AKT1: variants seen among roughly 807,000 people sequenced by gnomAD.
AKT1 encodes RAC-alpha serine/threonine-protein kinase.
In AKT1, 21 loss-of-function variants were observed where a neutral mutation model predicts 63.1. The observed-to-expected ratio is 0.33, with a 90% CI of 0.24 to 0.48. The LOEUF is 0.48. Among genes scored for constraint, AKT1 ranks in the 20% least tolerant of loss-of-function variants. The pLI, the probability that AKT1 is intolerant of heterozygous loss-of-function variation, is 0.99. For missense variants in AKT1, 382 were observed against 666.0 expected (o/e 0.57, Z 4.69); for synonymous variants, 257 against 253.1 (o/e 1.02, Z -0.15).
At chr14:104,774,661 A>AGCTGGGGCCT in intron 8 of AKT1, 1 of 484,816 alleles carries the variant, frequency 2.1e-6, no homozygotes, top group East Asian at 3.5e-5. Context: ...GGGCATGGGG[A>AGCTGGGGCCT]GCTGGGGCCT....
intron 13 of AKT1, chr14:104,771,199 A>C: frequency 3.3e-6 from 1 of 307,108 alleles, no homozygotes; most frequent in South Asian, 6.4e-5. Flanking sequence ...TATTTTTCTT[A>C]TTGGTCTTCT....
chr14:104,773,152 G>A (rs1892493328), intron 11 of AKT1, 60 bp from the exon 12 acceptor site: 1 of 1,610,524 alleles, frequency 6.2e-7, no homozygotes. Flanking sequence ...CACTGCCGGG[G>A]GAGGTGTGAC....
chr14:104,772,524 C>G (rs568429637), intron 12 of AKT1, 72 bp from the exon 13 acceptor site: 168 of 1,502,660 alleles, frequency 1.1e-4, no homozygotes, highest in Non-Finnish European at 1.5e-4. Context: ...GCCCCTTCCT[C>G]CTGTGATGTA....
intron 5 of AKT1, chr14:104,776,160 T>G: frequency 4.2e-6 from 1 of 235,672 alleles, no homozygotes; most frequent in South Asian, 6.7e-5. Context: ...GGGTTTTTCT[T>G]TTTTTGAGAC....
At chr14:104,771,318 G>A (rs1051648216) in intron 13 of AKT1, 1 of 251,092 alleles carries the variant, frequency 4.0e-6, no homozygotes. Flanking sequence ...TCTGGCTGCA[G>A]ACAGGACTCT....
At position 104,773,963 on chromosome 14, in the gene AKT1, G is replaced by C. The variant is rs971568277; in HGVS notation, c.651C>G (p.Phe217Leu). 1 of 1,612,446 alleles carries C rather than the reference G, an allele frequency of 6.2e-7. No homozygotes were observed. Among genetic ancestry groups the C allele is most frequent in the Non-Finnish European group, 8.5e-7 (1 of 1,179,136 alleles). Residue 217 changes from phenylalanine (F) to leucine (L), a missense_variant, in exon 9 of 15, where the codon TTC (phenylalanine) becomes TTG (leucine). By Grantham distance (22) the Phe-to-Leu change is conservative. Transcript: ENST00000649815. ...HPFLTALKYS[F>L]QTHDRLCFVM... Reference sequence around the variant, plus strand: ...CAAAGCAGAGGCGGTCGTGGGTCTGGAAAGAGTACTTCAGGGCCTGCAAGG... The same window carrying C: ...CAAAGCAGAGGCGGTCGTGGGTCTGCAAAGAGTACTTCAGGGCCTGCAAGG...
At chr14:104,787,603 C>T (rs61759781) in intron 3 of AKT1, among the ~76,000 whole-genome samples, 1 of 152,348 alleles carries the variant, frequency 6.6e-6, no homozygotes, top group African/African-American at 2.4e-5. Flanking sequence ...TCTAGGAACC[C>T]GGCCTGATGC....
intron 3 of AKT1, among the ~76,000 whole-genome samples, chr14:104,790,904 T>G (rs1040025733): frequency 6.6e-6 from 1 of 152,176 alleles, no homozygotes; most frequent in African/African-American, 2.4e-5. Context: ...TCAATGACCT[T>G]GCTCTTGGAA....
intron 3 of AKT1, among the ~76,000 whole-genome samples, chr14:104,792,199 G>GC (rs1012128715): frequency 2.0e-5 from 3 of 152,184 alleles, no homozygotes; most frequent in African/African-American, 7.2e-5. Context: ...CCTGAAGCAG[G>GC]CACCAGGCCA....
At chr14:104,791,926 C>T (rs1038866228) in intron 3 of AKT1, among the ~76,000 whole-genome samples, 8 of 152,244 alleles carry the variant, frequency 5.3e-5, no homozygotes, top group Admixed American at 5.2e-4. Flanking sequence ...CAGACTCCAC[C>T]GCACCCCGCT....
chr14:104,777,163 A>C (rs779447122), intron 4 of AKT1: 77 of 230,598 alleles, frequency 3.3e-4, no homozygotes, highest in Non-Finnish European at 6.1e-4. Flanking sequence ...TGTCCCACCT[A>C]GTGTAGAAAT....
intron 9 of AKT1, 41 bp downstream of exon 9, chr14:104,773,871 C>A (rs754766125): frequency 6.4e-7 from 1 of 1,558,322 alleles, no homozygotes; most frequent in South Asian, 1.2e-5. Flanking sequence ...ATGGGCGGCC[C>A]ACAGGCCGCG....
Position 104,773,300 on chromosome 14 carries a change from C to T in AKT1, c.908G>A (p.Gly303Asp). 1 of 1,614,208 alleles carries T rather than the reference C, an allele frequency of 6.2e-7. No homozygotes were observed. Among genetic ancestry groups the T allele is most frequent in the Non-Finnish European group, 8.5e-7 (1 of 1,180,014 alleles). The change falls in exon 11 of 15, where the codon GGT becomes GAT. Residue 303 changes from glycine (G) to aspartate (D), a missense_variant. By Grantham distance (94) the Gly-to-Asp change is moderately conservative. This residue lies in a region of AKT1 where 66 missense variants were observed against 179.1 expected (regional missense o/e 0.37). Transcript: ENST00000649815. ...FGLCKEGIKD[G>D]ATMKTFCGTP... ...GCCGCAAAAGGTCTTCATGGTGGCA[C>T]CGTCCTTGATCCCCTCCTTGCACAG...
Position 104,770,241 on chromosome 14 carries a change from T to G in AKT1, c.*100A>C. The G allele has an allele frequency of 3.3e-5, 45 of 1,359,634 alleles. No homozygotes were observed. Among genetic ancestry groups the G allele is most frequent in the Non-Finnish European group, 4.4e-5 (43 of 985,810 alleles). The allele number at this position is 1,359,634 out of a possible 1,614,324, so 84.2% of individuals were successfully genotyped here. A position where few individuals can be genotyped will look rare whatever the true frequency, so the allele number is the denominator to read the frequency against. ...GCTCGAGAGGACAGCGTGGCTTCTC[T>G]CAAATGCACCCGAGAAATAAAAACC... On this transcript the variant is annotated 3_prime_UTR_variant, in exon 15 of 15. Transcript: ENST00000649815.
intron 14 of AKT1, 55 bp from the exon 15 acceptor site, chr14:104,770,475 C>T (rs1892321114): frequency 6.0e-6 from 9 of 1,489,302 alleles, no homozygotes; most frequent in South Asian, 1.2e-5. Flanking sequence ...CACCTCCACC[C>T]ACCCACAGCT....
At chr14:104,773,430 C>A (rs946932902) in intron 10 of AKT1, 25 bp downstream of exon 10, 2 of 1,613,756 alleles carry the variant, frequency 1.2e-6, no homozygotes, top group African/African-American at 2.7e-5. Flanking sequence ...CAGGGCCCTG[C>A]CCCCCTGCCT....
In AKT1 at chr14:104,772,299, G is replaced by A. The variant is rs17846832; in HGVS notation, c.1260+66C>T. The A allele has an allele frequency of 3.1e-3, 4,704 of 1,541,114 alleles. 56 individuals are homozygous for A. Among genetic ancestry groups the A allele is most frequent in the South Asian group, 0.026 (2,295 of 89,274 alleles). On this transcript the variant is annotated intron_variant, in intron 13 of 14. Coordinates refer to ENST00000649815, the MANE Select transcript of AKT1 (RefSeq NM_001382430.1). ...GTGGGAAATCTGGCGAGCGTGCCACGTGCATGCGTGAGTGTGGATATGTGG... is the reference window on the plus strand; with the variant it reads ...GTGGGAAATCTGGCGAGCGTGCCACATGCATGCGTGAGTGTGGATATGTGG...
rs2494737 is a variant in AKT1 at position 104,779,988 on chromosome 14, T to A, written c.175+100A>T. 0.34 allele frequency: 513,190 copies of A among 1,502,850 alleles called. 94,484 individuals are homozygous for A. The highest frequency in any genetic ancestry group is 0.62 in the East Asian group (26,826 of 43,324). 93.1% of individuals were successfully genotyped at this position (1,502,850 alleles called of 1,614,324 possible). A position where few individuals can be genotyped will look rare whatever the true frequency, so the allele number is the denominator to read the frequency against. On this transcript the variant is annotated intron_variant, in intron 4 of 14. Transcript: ENST00000649815. ...TGCTTGTTGCTTGCCAGCCCAGGAC[T>A]TGGAGGCTCCAGGGGACCCCCATCG...
In AKT1 at chr14:104,795,606, G is replaced by T. The variant is rs1595268150; in HGVS notation, c.-380C>A. 6.9e-6 allele frequency: 1 copy of T among 145,634 alleles called. No homozygotes were observed. The highest frequency in any genetic ancestry group is 2.0e-4 in the East Asian group (1 of 5,010). The allele number at this position is 145,634 out of a possible 1,614,324, so 9.0% of individuals were successfully genotyped here. A position where few individuals can be genotyped will look rare whatever the true frequency, so the allele number is the denominator to read the frequency against. ...GGGCTGGAGGCCGCGGCGGGCGGGG[G>T]CGCTGCTCGGGGCCGGGCCTCGCGT... On this transcript the variant is annotated 5_prime_UTR_variant, in exon 1 of 15. Transcript: ENST00000649815. This position sits in a 1 kb window ranked among gnomAD's most constrained non-coding sequence, Gnocchi z 5.1.
Sources: gnomAD v4.1 joint callset for allele counts (sites outside exome capture counted in the v4.1 genomes callset) on GRCh38, gnomAD v4.1.1 for gene constraint, gnomAD v4.1.1 regional missense constraint, Gnocchi (gnomAD v3.1) non-coding constraint, MANE v1.5 for transcripts, NCBI Gene and HGNC (gene_info 2026-07-23, HGNC 2026-07-21) for gene names.